VAT1L: variants seen among roughly 807,000 people sequenced by gnomAD.
The protein encoded by VAT1L is vesicle amine transport 1 like, also known as putative NADPH-dependent quinone oxidoreductase VAT1L.
Under a neutral mutation model 44.1 loss-of-function variants are expected in VAT1L, and 34 were observed. The ratio of observed to expected loss-of-function variants is 0.77; its 90% CI spans 0.59 to 1.03. The LOEUF (loss-of-function observed/expected upper bound fraction) is 1.03, where lower values mean the gene tolerates loss of function less well. Among genes scored for constraint, VAT1L ranks in the 50% least tolerant of loss-of-function variants. The pLI is 0.00. For missense variants in VAT1L, 615 were observed against 538.8 expected (o/e 1.14, Z -1.40); for synonymous variants, 253 against 202.2 (o/e 1.25, Z -2.13).
chr16:77,863,573 A>G (rs1054479031), intron 4 of VAT1L, among the ~76,000 whole-genome samples: 1 of 152,188 alleles, frequency 6.6e-6, no homozygotes, highest in African/African-American at 2.4e-5. Context: ...ACAGTGAAGC[A>G]TGAGCCAGAA....
intron 7 of VAT1L, among the ~76,000 whole-genome samples, chr16:77,891,500 G>C (rs992869795): frequency 6.6e-6 from 1 of 152,166 alleles, no homozygotes; most frequent in Non-Finnish European, 1.5e-5. Context: ...CTTTTTTGGG[G>C]AGGTAGGAAA....
At chr16:77,805,962 A>G (rs2016151220) in intron 1 of VAT1L, among the ~76,000 whole-genome samples, 2 of 146,034 alleles carry the variant, frequency 1.4e-5, no homozygotes, top group African/African-American at 5.0e-5. Flanking sequence ...TCCAGGGTTC[A>G]AGCAATTCTC....
chr16:77,957,534 G>A (rs1417790762), intron 7 of VAT1L, among the ~76,000 whole-genome samples: 3 of 152,006 alleles, frequency 2.0e-5, no homozygotes, highest in African/African-American at 7.2e-5. Flanking sequence ...AGACCATCCA[G>A]GCCAACATGG....
At chr16:77,857,756 C>T (rs8060526) in intron 3 of VAT1L, among the ~76,000 whole-genome samples, 63,446 of 144,914 alleles carry the variant, frequency 0.44, 14,658 homozygotes, top group East Asian at 0.74. Flanking sequence ...TATATTTATC[C>T]ATTATCTAAT....
chr16:77,965,651 G>A (rs766533850), intron 7 of VAT1L, among the ~76,000 whole-genome samples: 25 of 152,146 alleles, frequency 1.6e-4, no homozygotes, highest in Non-Finnish European at 3.2e-4. Context: ...ACTGGGTGTG[G>A]GACCATGGTC....
intron 5 of VAT1L, among the ~76,000 whole-genome samples, chr16:77,877,801 T>A (rs2017105762): frequency 6.6e-6 from 1 of 152,172 alleles, no homozygotes; most frequent in Non-Finnish European, 1.5e-5. Flanking sequence ...CAGACCATTG[T>A]AACAGAAAGA....
At chr16:77,969,099 G>A (rs899024940) in intron 7 of VAT1L, among the ~76,000 whole-genome samples, 4 of 152,182 alleles carry the variant, frequency 2.6e-5, no homozygotes, top group East Asian at 1.9e-4. Flanking sequence ...GATTACAAGC[G>A]TGAGCCACTA....
chr16:77,966,804 A>G (rs592133), intron 7 of VAT1L, among the ~76,000 whole-genome samples: 35,116 of 151,968 alleles, frequency 0.23, 4,550 homozygotes, highest in South Asian at 0.32. Context: ...GCACGTGGCA[A>G]TTTTTACTAG....
rs138049802 is a variant in VAT1L at position 77,817,035 on chromosome 16, C to T, written c.348C>T (p.Ser116=). ...GGATTGTTGAAGCTCTGGGGGACAG[C>T]GTGAAAGGATATGAGGTAATGTTTG... The part of the protein sequence containing the change: ...CSGIVEALGD[S]VKGYEIGDRV... The change falls in exon 2 of 9, where the codon AGC becomes AGT. Residue 116 remains serine, a synonymous_variant. Coordinates refer to ENST00000302536, the MANE Select transcript of VAT1L (RefSeq NM_020927.3). 1.9e-3 allele frequency: 3,101 copies of T among 1,613,600 alleles called. 12 individuals are homozygous for T. Among genetic ancestry groups the T allele is most frequent in the South Asian group, 8.3e-3 (759 of 91,008 alleles).
chr16:77,861,111 T>C (rs1440950162), intron 3 of VAT1L, among the ~76,000 whole-genome samples: 2 of 152,216 alleles, frequency 1.3e-5, no homozygotes, highest in Non-Finnish European at 2.9e-5. Flanking sequence ...GTGTTGCCTT[T>C]AATTGCAACG....
intron 7 of VAT1L, among the ~76,000 whole-genome samples, chr16:77,912,301 G>C (rs1032464765): frequency 6.6e-6 from 1 of 152,192 alleles, no homozygotes; most frequent in African/African-American, 2.4e-5. Flanking sequence ...CATAAGTAAA[G>C]CGCCTGGGAT....
At position 77,979,678 on chromosome 16, in the gene VAT1L, C is replaced by G. The variant is rs572083760; in HGVS notation, c.*1983C>G. 123 of 152,372 alleles carry G rather than the reference C, an allele frequency of 8.1e-4. 1 individual carries two copies. Among genetic ancestry groups the G allele is most frequent in the Non-Finnish European group, 1.5e-3 (103 of 68,018 alleles). The allele number at this position is 152,372 out of a possible 1,614,324, so 9.4% of individuals were successfully genotyped here. ...AGAGGCATAAAAAGGCACTCTCCCC[C>G]ACCACCCCTACCAAATCTGGGTTTG... is the stretch of plus-strand genomic sequence containing the variant. On this transcript the variant is annotated 3_prime_UTR_variant, in exon 9 of 9. Transcript: ENST00000302536.
At chr16:77,901,153 CTTTTTTTTTTT>C (rs538577571) in intron 7 of VAT1L, among the ~76,000 whole-genome samples, 3,024 of 90,108 alleles carry the variant, frequency 0.034, 176 homozygotes, top group African/African-American at 0.14. Flanking sequence ...AGTAGTTTAC[CTTTTTTTTTTT>C]TTTTTTTTTT....
chr16:77,805,725 T>G (rs2016144134), intron 1 of VAT1L, among the ~76,000 whole-genome samples: 2 of 152,084 alleles, frequency 1.3e-5, no homozygotes, highest in Admixed American at 6.6e-5. Flanking sequence ...TCTCCGCCAG[T>G]GTCGTGATCT....
intron 3 of VAT1L, among the ~76,000 whole-genome samples, chr16:77,857,928 G>C (rs2344921): frequency 0.43 from 65,759 of 151,278 alleles, 15,489 homozygotes; most frequent in East Asian, 0.75. Context: ...TTAATTAAAT[G>C]CACGCTTTAC....
At chr16:77,810,294 G>A (rs1377434585) in intron 1 of VAT1L, among the ~76,000 whole-genome samples, 2 of 152,266 alleles carry the variant, frequency 1.3e-5, no homozygotes, top group African/African-American at 4.8e-5. Context: ...ACTTAGAAAT[G>A]AAAAACTTCA....
chr16:77,922,789 C>G (rs753753298), intron 7 of VAT1L, among the ~76,000 whole-genome samples: 3 of 152,154 alleles, frequency 2.0e-5, no homozygotes, highest in Non-Finnish European at 4.4e-5. Context: ...AAACCCCCTC[C>G]CCATGGAGCC....
At chr16:77,898,436 G>T (rs570589677) in intron 7 of VAT1L, among the ~76,000 whole-genome samples, 8 of 152,266 alleles carry the variant, frequency 5.3e-5, no homozygotes, top group African/African-American at 1.9e-4. Flanking sequence ...TTGCATGAGG[G>T]TTAAAAGGGC....
chr16:77,841,665 C>T (rs2016707296), intron 3 of VAT1L, among the ~76,000 whole-genome samples: 2 of 152,128 alleles, frequency 1.3e-5, no homozygotes, highest in Non-Finnish European at 2.9e-5. Context: ...CTTCATTGTT[C>T]TGACAAAGGG....
Sources: gnomAD v4.1 joint callset for allele counts (sites outside exome capture counted in the v4.1 genomes callset) on GRCh38, gnomAD v4.1.1 for gene constraint, MANE v1.5 for transcripts, NCBI Gene and HGNC (gene_info 2026-07-23, HGNC 2026-07-21) for gene names.